Variants in PPP3CA observed in about 807,000 individuals in gnomAD.
PPP3CA encodes the protein CAM-PRP catalytic subunit.
PPP3CA carries 14 observed loss-of-function variants against 66.5 expected under a neutral mutation model. That is an observed-to-expected ratio of 0.21 (90% CI 0.14 to 0.33). PPP3CA has a LOEUF of 0.33. PPP3CA is among the 10% of genes least tolerant of loss of function. The pLI, the probability that PPP3CA is intolerant of heterozygous loss-of-function variation, is 1.00. For missense variants in PPP3CA, 317 were observed against 639.5 expected (o/e 0.50, Z 5.44); for synonymous variants, 232 against 226.2 (o/e 1.03, Z -0.23).
intron 5 of PPP3CA, among the ~76,000 whole-genome samples, chr4:101,094,997 C>T (rs1271283535): frequency 6.6e-6 from 1 of 151,142 alleles, no homozygotes; most frequent in Non-Finnish European, 1.5e-5. Context: ...TTTTCTGGGA[C>T]ATACAAGATG....
At chr4:101,187,106 A>G (rs546053240) in intron 2 of PPP3CA, among the ~76,000 whole-genome samples, 1 of 152,272 alleles carries the variant, frequency 6.6e-6, no homozygotes, top group Admixed American at 6.5e-5. Context: ...TAATTTAGAG[A>G]TTCACAATTT....
At chr4:101,336,297 G>A (rs1462850527) in intron 1 of PPP3CA, among the ~76,000 whole-genome samples, 6 of 150,134 alleles carry the variant, frequency 4.0e-5, no homozygotes, top group Non-Finnish European at 7.4e-5. Flanking sequence ...CTGGCCGGCC[G>A]CAGTGGCTCA....
chr4:101,048,497 G>C, intron 10 of PPP3CA, among the ~76,000 whole-genome samples: 1 of 101,236 alleles, frequency 9.9e-6, no homozygotes, highest in Non-Finnish European at 1.8e-5. Context: ...GAGATTGTTT[G>C]CTTTCTCTCA....
chr4:101,179,549 G>A (rs938937610), intron 2 of PPP3CA, among the ~76,000 whole-genome samples: 2 of 152,072 alleles, frequency 1.3e-5, no homozygotes, highest in African/African-American at 4.8e-5. Context: ...TGGAAGCCAT[G>A]CTGTCTCTTT....
At chr4:101,063,207 A>G in intron 9 of PPP3CA, 25 bp downstream of exon 9, 1 of 1,606,374 alleles carries the variant, frequency 6.2e-7, no homozygotes, top group Non-Finnish European at 8.5e-7. Context: ...TTTTAAGAAG[A>G]ACATCTCAGG....
At chr4:101,343,830 C>T (rs899746192) in intron 1 of PPP3CA, among the ~76,000 whole-genome samples, 2 of 152,138 alleles carry the variant, frequency 1.3e-5, no homozygotes, top group Non-Finnish European at 2.9e-5. Context: ...TCTAAAGCTG[C>T]ATTCTAAAAG....
At chr4:101,215,035 T>A (rs1236744941) in intron 1 of PPP3CA, among the ~76,000 whole-genome samples, 2 of 152,082 alleles carry the variant, frequency 1.3e-5, no homozygotes, top group Non-Finnish European at 2.9e-5. Context: ...CATAACAATG[T>A]ACCTCTTTGT....
chr4:101,144,256 CCTTA>C (rs1722896408), intron 2 of PPP3CA, among the ~76,000 whole-genome samples: 1 of 152,180 alleles, frequency 6.6e-6, no homozygotes. Flanking sequence ...CAAGTCTTTT[CCTTA>C]CTAAATACCC....
chr4:101,204,525 ACT>A (rs1725069155), intron 1 of PPP3CA, among the ~76,000 whole-genome samples: 4 of 151,534 alleles, frequency 2.6e-5, no homozygotes, highest in African/African-American at 9.7e-5. Flanking sequence ...AGTCCCAGCT[ACT>A]CTGGAGGCTG....
chr4:101,238,739 G>A (rs905783006), intron 1 of PPP3CA, among the ~76,000 whole-genome samples: 25 of 151,924 alleles, frequency 1.6e-4, no homozygotes, highest in Non-Finnish European at 2.9e-5. Context: ...GGTGGGAAGC[G>A]CTTCAATTCT....
intron 11 of PPP3CA, 36 bp downstream of exon 11, chr4:101,040,446 C>A: frequency 6.8e-7 from 1 of 1,460,898 alleles, no homozygotes; most frequent in South Asian, 1.3e-5. Flanking sequence ...ACACATAATA[C>A]AATTTGAAAC....
rs70961774 is a variant in PPP3CA, at chr4:101,106,453, GAGAAAAGAAA to G, written c.384+2491_384+2500del. ...AGAAAGAAAGAAAGAAAGAAAGAAA[GAGAAAAGAAA>G]AGAAAAGAAAAGAAAAGAAAAGAAA... On this transcript the variant is annotated intron_variant, in intron 3 of 13. Transcript: ENST00000394854. 4.2e-3 allele frequency among the ~76,000 whole-genome samples: 150 copies of G among 35,512 alleles called. 15 individuals carry two copies. The highest frequency in any genetic ancestry group is 0.012 in the Middle Eastern group (1 of 86). The allele number at this position is 35,512 out of a possible 152,430, so 23.3% of individuals were successfully genotyped here. A position where few individuals can be genotyped will look rare whatever the true frequency, so the allele number is the denominator to read the frequency against.
chr4:101,226,800 T>C (rs1725797107), intron 1 of PPP3CA, among the ~76,000 whole-genome samples: 1 of 151,830 alleles, frequency 6.6e-6, no homozygotes, highest in South Asian at 2.1e-4. Context: ...AAGAACATGA[T>C]TCATTCACCT....
At chr4:101,291,089 T>C (rs1442661754) in intron 1 of PPP3CA, among the ~76,000 whole-genome samples, 1 of 152,224 alleles carries the variant, frequency 6.6e-6, no homozygotes, top group South Asian at 2.1e-4. Context: ...TTTACATTAT[T>C]TGATTGTCTG....
At chr4:101,178,499 T>C (rs1394706812) in intron 2 of PPP3CA, among the ~76,000 whole-genome samples, 1 of 152,094 alleles carries the variant, frequency 6.6e-6, no homozygotes, top group Admixed American at 6.6e-5. Flanking sequence ...CTAACAAATA[T>C]AGTCACACTG....
At chr4:101,067,810 T>TATAATAATAATAATAATA (rs143876116) in intron 8 of PPP3CA, among the ~76,000 whole-genome samples, 4 of 147,054 alleles carry the variant, frequency 2.7e-5, no homozygotes, top group Non-Finnish European at 4.5e-5. Context: ...AAACTTAAAG[T>TATAATAATAATAATAATA]ATAATAATAA....
chr4:101,299,121 T>TG (rs1560705653), intron 1 of PPP3CA, among the ~76,000 whole-genome samples: 1 of 145,906 alleles, frequency 6.9e-6, no homozygotes, highest in African/African-American at 2.6e-5. Context: ...TTTTTTTTTT[T>TG]TTTTTTTTTT....
intron 1 of PPP3CA, among the ~76,000 whole-genome samples, chr4:101,211,987 C>T (rs4525978): frequency 0.66 from 100,607 of 152,040 alleles, 34,277 homozygotes; most frequent in Non-Finnish European, 0.74. Context: ...GTAATACCTA[C>T]TAAAGAAGCT....
intron 1 of PPP3CA, among the ~76,000 whole-genome samples, chr4:101,228,758 CCT>C (rs1336639384): frequency 6.6e-6 from 1 of 151,574 alleles, no homozygotes; most frequent in Admixed American, 6.6e-5. Flanking sequence ...ACTCTATCCC[CCT>C]CTTCTTAATT....
Sources: allele counts gnomAD v4.1 joint callset (sites outside exome capture counted in the v4.1 genomes callset), GRCh38; gene constraint gnomAD v4.1.1; transcripts MANE v1.5; gene names NCBI Gene and HGNC (gene_info 2026-07-23, HGNC 2026-07-21).